Variants in HSD3B2 observed in about 807,000 individuals in gnomAD.
HSD3B2 encodes the protein 3 beta-hydroxysteroid dehydrogenase/Delta 5-->4-isomerase type 2.
Under a neutral mutation model 9.9 loss-of-function variants are expected in HSD3B2, and 8 were observed. The ratio of observed to expected loss-of-function variants is 0.81; its 90% CI spans 0.47 to 1.46. The LOEUF is 1.46. Among genes scored for constraint, HSD3B2 ranks in the 40% most tolerant of loss-of-function variants. The pLI, the probability that HSD3B2 is intolerant of heterozygous loss-of-function variation, is 0.00. For missense variants in HSD3B2, 410 were observed against 448.3 expected (o/e 0.91, Z 0.77); for synonymous variants, 221 against 184.5 (o/e 1.20, Z -1.60).
At chr1:119,421,466 T>C (rs1369065548) in intron 3 of HSD3B2, among the ~76,000 whole-genome samples, 2 of 6,296 alleles carry the variant, frequency 3.2e-4, no homozygotes, top group African/African-American at 1.2e-3. Context: ...TATATATATG[T>C]ATATATATAT....
rs755248657 is a variant in HSD3B2, at chr1:119,415,447, G to T, written c.28G>T (p.Ala10Ser). 1 of 1,614,008 alleles carries T rather than the reference G, an allele frequency of 6.2e-7. No homozygotes were observed. Among genetic ancestry groups the T allele is most frequent in the South Asian group, 1.1e-5 (1 of 91,088 alleles). The change falls in exon 2 of 4, where the codon GCA becomes TCA. Residue 10 changes from alanine to serine, a missense_variant. Transcript: ENST00000369416. MGWSCLVTG[A>S]GGLLGQRIVR... The stretch of plus-strand genomic sequence containing the variant: ...GGGCTGGAGCTGCCTTGTGACAGGA[G>T]CAGGAGGGCTTCTGGGTCAGAGGAT...
rs5777392 is a variant in HSD3B2, at chr1:119,418,630, CTATTATTATTAT to C, written c.143-762_143-751del. On this transcript the variant is annotated intron_variant, in intron 2 of 3. Transcript: ENST00000369416. ...GTCTGTTTATCTTTTATTATTATTACTATTATTATTATTATTATTATTATTATTATTATTATT... is the reference window on the plus strand; with the variant it reads ...GTCTGTTTATCTTTTATTATTATTACTATTATTATTATTATTATTATTATT... Among the ~76,000 whole-genome samples the C allele has an allele frequency of 1.1e-3, 131 of 123,866 alleles. 1 individual carries two copies. In the South Asian group the frequency reaches 0.011, roughly 10 times the overall value. The allele number at this position is 123,866 out of a possible 152,430, so 81.3% of individuals were successfully genotyped here.
At chr1:119,419,393 A>G (rs772252266) in intron 2 of HSD3B2, 25 bp from the exon 3 acceptor site, 22 of 1,613,226 alleles carry the variant, frequency 1.4e-5, no homozygotes, top group Non-Finnish European at 1.9e-5. Context: ...AAATCTTTCC[A>G]ATGACCTGAC....
intron 3 of HSD3B2, among the ~76,000 whole-genome samples, 196 bp from the exon 4 acceptor site, chr1:119,421,613 C>A (rs771923908): frequency 3.3e-5 from 5 of 150,896 alleles, no homozygotes; most frequent in African/African-American, 4.9e-5. Context: ...ACCCAAATGT[C>A]AGTTTCTTTT....
At position 119,418,143 on chromosome 1, in the gene HSD3B2, A is replaced by G. The variant is rs587692187; in HGVS notation, c.143-1275A>G. Among the ~76,000 whole-genome samples the G allele has an allele frequency of 3.3e-4, 50 of 152,354 alleles. 1 individual carries two copies. The South Asian group carries it at 9.9e-3, about 30-fold the overall frequency. ...CTGTGGATTTCAGAGGAGCCTGAAG[A>G]TATGGATGTTACATCCGCTGCCCTT... On this transcript the variant is annotated intron_variant, in intron 2 of 3. Transcript: ENST00000369416.
chr1:119,416,252 GAC>G (rs1651706152), intron 2 of HSD3B2, among the ~76,000 whole-genome samples: 1 of 152,116 alleles, frequency 6.6e-6, no homozygotes, highest in Non-Finnish European at 1.5e-5. Context: ...ACAGAGCAGA[GAC>G]AGAGTAAAAG....
chr1:119,422,432 C>G lies in HSD3B2; in HGVS notation c.931C>G (p.Gln311Glu). The G allele has an allele frequency of 6.2e-7, 1 of 1,614,116 alleles. No individual in the cohort carries two copies. The highest frequency in any genetic ancestry group is 8.5e-7 in the Non-Finnish European group (1 of 1,179,986). The change falls in exon 4 of 4, where the codon CAA becomes GAA. Residue 311 changes from glutamine to glutamate, a missense_variant. Gln to Glu is a conservative substitution (Grantham distance 29, BLOSUM62 2). Coordinates refer to ENST00000369416, the MANE Select transcript of HSD3B2 (RefSeq NM_000198.4). ...CCTACTCAGCCCAATTTACTCCTAT[C>G]AACCCCCCTTCAACCGCCACACAGT... is the stretch of plus-strand genomic sequence containing the variant. ...SFLLSPIYSYQPPFNRHTVTL... is the reference protein window; with the variant it reads ...SFLLSPIYSYEPPFNRHTVTL...
At position 119,422,361 on chromosome 1, in the gene HSD3B2, T is replaced by C; in HGVS notation, c.860T>C (p.Leu287Ser). Residue 287 changes from leucine to serine, a missense_variant, in exon 4 of 4, where the codon TTA becomes TCA. Physicochemically the swap from Leu to Ser is moderately radical, Grantham distance 145. Transcript: ENST00000369416. ...CTTGATTCCAGATGGAGCCTTCCTT[T>C]AACCCTGATGTACTGGATTGGCTTC... ...LRLDSRWSLP[L>S]TLMYWIGFLL... 1 of 1,614,168 alleles carries C rather than the reference T, an allele frequency of 6.2e-7. No individual in the cohort carries two copies. Among genetic ancestry groups the C allele is most frequent in the Non-Finnish European group, 8.5e-7 (1 of 1,180,004 alleles).
At position 119,419,499 on chromosome 1, in the gene HSD3B2, T is replaced by A; in HGVS notation, c.224T>A (p.Val75Asp). 6.2e-7 allele frequency: 1 copy of A among 1,613,720 alleles called. No individual in the cohort carries two copies. Among genetic ancestry groups the A allele is most frequent in the Non-Finnish European group, 8.5e-7 (1 of 1,179,714 alleles). The change falls in exon 3 of 4, where the codon GTC becomes GAC. Residue 75 changes from valine to aspartate, a missense_variant. Coordinates refer to ENST00000369416, the MANE Select transcript of HSD3B2 (RefSeq NM_000198.4). The stretch of plus-strand genomic sequence containing the variant: ...TTCCTGAAAAGAGCCTGCCAGGACG[T>A]CTCGGTCGTCATCCACACCGCCTGT... Reference protein sequence around the residue: ...EPFLKRACQDVSVVIHTACII... With the variant: ...EPFLKRACQDDSVVIHTACII...
intron 3 of HSD3B2, among the ~76,000 whole-genome samples, chr1:119,421,034 C>T (rs1651841932): frequency 6.6e-6 from 1 of 152,168 alleles, no homozygotes; most frequent in Admixed American, 6.5e-5. Flanking sequence ...CTCCCCACAA[C>T]CCACTGTTTG....
At chr1:119,420,087 A>G (rs915249800) in intron 3 of HSD3B2, among the ~76,000 whole-genome samples, 5 of 152,228 alleles carry the variant, frequency 3.3e-5, no homozygotes, top group Non-Finnish European at 7.3e-5. Flanking sequence ...GCTGGTTCAC[A>G]GAGGTCTGTC....
chr1:119,420,406 C>T (rs1275095358), intron 3 of HSD3B2, among the ~76,000 whole-genome samples: 1 of 152,020 alleles, frequency 6.6e-6, no homozygotes, highest in Non-Finnish European at 1.5e-5. Flanking sequence ...GAGTCTCCAG[C>T]ACTGTCTAAA....
In HSD3B2 at chr1:119,419,219, T is replaced by C. The variant is rs190059143; in HGVS notation, c.143-199T>C. Among the ~76,000 whole-genome samples, 310 of 152,318 alleles carry C rather than the reference T, an allele frequency of 2.0e-3. 1 individual carries two copies. Among genetic ancestry groups the C allele is most frequent in the African/African-American group, 7.0e-3 (291 of 41,562 alleles). On this transcript the variant is annotated intron_variant, in intron 2 of 3. Coordinates refer to ENST00000369416, the MANE Select transcript of HSD3B2 (RefSeq NM_000198.4). ...AATAAGATGGGGTAGAAACAGATGT[T>C]TGCTCTTTCCCAATAAACTGCTACA...
chr1:119,421,540 C>A (rs1459803836), intron 3 of HSD3B2, among the ~76,000 whole-genome samples: 1 of 147,504 alleles, frequency 6.8e-6, no homozygotes, highest in Non-Finnish European at 1.5e-5. Context: ...CACACACACA[C>A]ACACACCACA....
intron 3 of HSD3B2, among the ~76,000 whole-genome samples, chr1:119,421,440 T>C (rs1286262434): frequency 7.7e-5 from 2 of 25,884 alleles, no homozygotes; most frequent in Non-Finnish European, 1.2e-4. Flanking sequence ...TATATATATA[T>C]GTATATATAT....
At chr1:119,416,078 A>C in intron 2 of HSD3B2, among the ~76,000 whole-genome samples, 1 of 152,100 alleles carries the variant, frequency 6.6e-6, no homozygotes, top group East Asian at 1.9e-4. Flanking sequence ...AGAGAAAGAA[A>C]ATGAGGGGGA....
rs1353639351 is a variant in HSD3B2 at position 119,422,587 on chromosome 1, G to A, written c.1086G>A (p.Arg362=). ...TVEWVGSLVD[R]HKETLKSKTQ is the part of the protein sequence containing the mutation. ...AGTGGGTTGGTTCCCTTGTGGACCG[G>A]CACAAGGAGACCCTGAAGTCCAAGA... The change falls in exon 4 of 4, where the codon CGG becomes CGA. Residue 362 remains arginine (R), a synonymous_variant. Transcript: ENST00000369416. 1 of 1,614,050 alleles carries A rather than the reference G, an allele frequency of 6.2e-7. No individual in the cohort carries two copies. Among genetic ancestry groups the A allele is most frequent in the Non-Finnish European group, 8.5e-7 (1 of 1,179,990 alleles).
chr1:119,421,423 ATATGT>A (rs1165882499), intron 3 of HSD3B2, among the ~76,000 whole-genome samples: 4 of 16,290 alleles, frequency 2.5e-4, no homozygotes, highest in Non-Finnish European at 3.4e-4. Context: ...ATATGTATAT[ATATGT>A]ATATATATAT....
chr1:119,422,998 C>A lies in HSD3B2; in HGVS notation c.*378C>A, dbSNP rs1268105330. On this transcript the variant is annotated 3_prime_UTR_variant, in exon 4 of 4. Coordinates refer to ENST00000369416, the MANE Select transcript of HSD3B2 (RefSeq NM_000198.4). ...TCTCCTATTCCTTCACACAGTTCAA[C>A]ATAAAGAGCAATAAATGTTTTAATG... 4 of 355,890 alleles carry A rather than the reference C, an allele frequency of 1.1e-5. No homozygotes were observed. Among genetic ancestry groups the A allele is most frequent in the Non-Finnish European group, 2.1e-5 (4 of 192,914 alleles). 22.0% of individuals were successfully genotyped at this position (355,890 alleles called of 1,614,324 possible). A position where few individuals can be genotyped will look rare whatever the true frequency, so the allele number is the denominator to read the frequency against.
Sources: allele counts gnomAD v4.1 joint callset (sites outside exome capture counted in the v4.1 genomes callset), GRCh38; gene constraint gnomAD v4.1.1; transcripts MANE v1.5; gene names NCBI Gene and HGNC (gene_info 2026-07-23, HGNC 2026-07-21).